ARHGAP18: variants seen among roughly 807,000 people sequenced by gnomAD.
ARHGAP18 encodes the protein Rho GTPase activating protein 18, also known as rho GTPase-activating protein 18.
ARHGAP18 carries 67 observed loss-of-function variants against 86.2 expected under a neutral mutation model. That is an observed-to-expected ratio of 0.78 (90% confidence interval 0.64 to 0.95). The LOEUF is 0.95. Among genes scored for constraint, ARHGAP18 ranks in the 40% least tolerant of loss-of-function variants. ARHGAP18 has a pLI of 0.00. For synonymous variants in ARHGAP18, 283 were observed against 280.4 expected (o/e 1.01, Z -0.09); for missense variants, 691 against 780.4 (o/e 0.89, Z 1.37).
intron 7 of ARHGAP18, 35 bp downstream of exon 7, chr6:129,616,177 G>A: frequency 1.3e-6 from 2 of 1,490,562 alleles, no homozygotes; most frequent in African/African-American, 1.4e-5. Context: ...GCTTAAGTAT[G>A]TTCTCTCTAT....
At chr6:129,678,326 C>T (rs894092011) in intron 1 of ARHGAP18, among the ~76,000 whole-genome samples, 7 of 152,326 alleles carry the variant, frequency 4.6e-5, no homozygotes, top group Middle Eastern at 3.4e-3. Context: ...CTATTGATCT[C>T]TTTTCCAAAT....
At chr6:129,612,055 T>C (rs1788991243) in intron 7 of ARHGAP18, among the ~76,000 whole-genome samples, 1 of 152,234 alleles carries the variant, frequency 6.6e-6, no homozygotes, top group South Asian at 2.1e-4. Flanking sequence ...AAAGACTGTT[T>C]GCAAATATTC....
At chr6:129,633,225 C>T (rs980935717) in intron 4 of ARHGAP18, among the ~76,000 whole-genome samples, 2 of 148,146 alleles carry the variant, frequency 1.4e-5, no homozygotes, top group South Asian at 2.1e-4. Flanking sequence ...GTCAGGAGTT[C>T]AAGACCAGCC....
At chr6:129,689,542 C>G (rs1327698978) in intron 1 of ARHGAP18, among the ~76,000 whole-genome samples, 1 of 152,156 alleles carries the variant, frequency 6.6e-6, no homozygotes, top group Non-Finnish European at 1.5e-5. Flanking sequence ...ATCTGCCCAC[C>G]TCAGCCTCCC....
intron 1 of ARHGAP18, among the ~76,000 whole-genome samples, chr6:129,664,652 G>A (rs1358422912): frequency 1.3e-5 from 2 of 152,142 alleles, no homozygotes; most frequent in Non-Finnish European, 2.9e-5. Context: ...ACTCAAGATT[G>A]AAGTAAATGA....
chr6:129,706,926 T>TA (rs1276622034), intron 1 of ARHGAP18, among the ~76,000 whole-genome samples: 10 of 135,140 alleles, frequency 7.4e-5, no homozygotes, highest in African/African-American at 1.1e-4. Context: ...ATGGCTAGGC[T>TA]AAAAATCAAA....
chr6:129,663,304 T>C (rs1283370651), intron 1 of ARHGAP18, among the ~76,000 whole-genome samples: 1 of 152,246 alleles, frequency 6.6e-6, no homozygotes, highest in East Asian at 1.9e-4. Context: ...ACTGTGATTA[T>C]CAATGTGCTC....
At chr6:129,659,743 C>T (rs1441134936) in intron 1 of ARHGAP18, among the ~76,000 whole-genome samples, 2 of 152,198 alleles carry the variant, frequency 1.3e-5, no homozygotes, top group South Asian at 2.1e-4. Flanking sequence ...CCACCATGCC[C>T]GGCCTGGGCC....
At chr6:129,608,318 C>A (rs1261907914) in intron 8 of ARHGAP18, among the ~76,000 whole-genome samples, 1 of 151,976 alleles carries the variant, frequency 6.6e-6, no homozygotes, top group Non-Finnish European at 1.5e-5. Flanking sequence ...ATTCCACAAA[C>A]TGTAAGTAAT....
At chr6:129,620,316 CA>C (rs1789201297) in intron 5 of ARHGAP18, among the ~76,000 whole-genome samples, 1 of 152,146 alleles carries the variant, frequency 6.6e-6, no homozygotes, top group Admixed American at 6.5e-5. Context: ...TGCCAGTGCT[CA>C]AAAAGGTTCT....
intron 1 of ARHGAP18, among the ~76,000 whole-genome samples, chr6:129,694,908 G>C (rs562455641): frequency 6.6e-6 from 1 of 152,308 alleles, no homozygotes; most frequent in African/African-American, 2.4e-5. Context: ...CACCAAGGTG[G>C]AGATTCTGCA....
chr6:129,600,339 A>G (rs1453080972), intron 11 of ARHGAP18, among the ~76,000 whole-genome samples: 1 of 152,134 alleles, frequency 6.6e-6, no homozygotes, highest in East Asian at 1.9e-4. Context: ...CCTTTCAATA[A>G]AGGGTCTATG....
chr6:129,631,152 T>C (rs1773195106), intron 4 of ARHGAP18, among the ~76,000 whole-genome samples: 1 of 152,180 alleles, frequency 6.6e-6, no homozygotes, highest in African/African-American at 2.4e-5. Flanking sequence ...CCTAGGAAAC[T>C]ATTCTAAGAG....
chr6:129,634,822 A>T (rs966013618), intron 3 of ARHGAP18, among the ~76,000 whole-genome samples: 3 of 152,184 alleles, frequency 2.0e-5, no homozygotes, highest in Non-Finnish European at 2.9e-5. Flanking sequence ...TGTGAATTAT[A>T]TCTCAATCAT....
intron 1 of ARHGAP18, among the ~76,000 whole-genome samples, chr6:129,703,003 CAA>C (rs5879963): frequency 1.4e-4 from 21 of 149,260 alleles, no homozygotes; most frequent in Non-Finnish European, 1.9e-4. Flanking sequence ...ATCTCCAAAA[CAA>C]AAAAAAAAAG....
intron 1 of ARHGAP18, among the ~76,000 whole-genome samples, chr6:129,702,138 C>T (rs914728020): frequency 5.9e-5 from 9 of 152,186 alleles, no homozygotes; most frequent in African/African-American, 2.2e-4. Flanking sequence ...TACTCTCTTT[C>T]AACACAGAAA....
intron 5 of ARHGAP18, among the ~76,000 whole-genome samples, chr6:129,625,700 T>A (rs1356119316): frequency 7.7e-4 from 21 of 27,230 alleles, no homozygotes; most frequent in Middle Eastern, 0.05. Context: ...TATTATATAT[T>A]TATATATTAT....
At chr6:129,614,772 T>C (rs1202315504) in intron 7 of ARHGAP18, among the ~76,000 whole-genome samples, 1 of 149,710 alleles carries the variant, frequency 6.7e-6, no homozygotes, top group Non-Finnish European at 1.5e-5. Flanking sequence ...TTTTTTTTGG[T>C]TGTCACAGTA....
rs538371710 is a variant in ARHGAP18, at chr6:129,599,199, C to T, written c.1713+17G>A. ...ACTTAAGATCTGAATAAATACATATCTCCACTATTTTCTTACATCATTTGT... is the reference window on the plus strand; with the variant it reads ...ACTTAAGATCTGAATAAATACATATTTCCACTATTTTCTTACATCATTTGT... On this transcript the variant is annotated intron_variant, in intron 12 of 14. Coordinates refer to ENST00000368149, the MANE Select transcript of ARHGAP18 (RefSeq NM_033515.3). 25 of 1,511,590 alleles carry T rather than the reference C, an allele frequency of 1.7e-5. No homozygotes were observed. The highest frequency in any genetic ancestry group is 1.9e-5 in the Non-Finnish European group (22 of 1,135,496). 93.6% of individuals were successfully genotyped at this position (1,511,590 alleles called of 1,614,324 possible). A position where few individuals can be genotyped will look rare whatever the true frequency, so the allele number is the denominator to read the frequency against.
Sources: allele counts gnomAD v4.1 joint callset (sites outside exome capture counted in the v4.1 genomes callset), GRCh38; gene constraint gnomAD v4.1.1; transcripts MANE v1.5; gene names NCBI Gene and HGNC (gene_info 2026-07-23, HGNC 2026-07-21).